Variants in CEP152 observed in about 807,000 individuals in gnomAD.
CEP152 encodes the protein centrosomal protein 152, also known as centrosomal protein of 152 kDa.
Under a neutral mutation model 188.9 loss-of-function variants are expected in CEP152, and 132 were observed. That is an observed-to-expected ratio of 0.70 (90% CI 0.61 to 0.81). The LOEUF is 0.81. Ranked by LOEUF, CEP152 falls within the 30% of genes least tolerant of loss-of-function variation. The probability of loss-of-function intolerance (pLI) is 0.00; values close to 1 mark genes in which losing one functional copy is unlikely to be tolerated. For synonymous variants in CEP152, 649 were observed against 666.6 expected (o/e 0.97, Z 0.41); for missense variants, 1,914 against 1,969.8 (o/e 0.97, Z 0.54).
downstream of CEP152, among the ~76,000 whole-genome samples, chr15:48,737,254 A>G (rs572935590): frequency 7.2e-5 from 11 of 152,302 alleles, no homozygotes; most frequent in East Asian, 1.2e-3. Context: ...TTAACCCCCA[A>G]ATACAATCCA....
chr15:48,805,918 A>T (rs903126758), intron 1 of CEP152, among the ~76,000 whole-genome samples: 5 of 152,258 alleles, frequency 3.3e-5, no homozygotes, highest in Non-Finnish European at 7.3e-5. Context: ...AGTATAAAAC[A>T]GTAAGATTTT....
At chr15:48,764,838 C>T (rs965700399) in intron 17 of CEP152, among the ~76,000 whole-genome samples, 1 of 152,048 alleles carries the variant, frequency 6.6e-6, no homozygotes, top group Non-Finnish European at 1.5e-5. Flanking sequence ...TTATTGTTAC[C>T]TGACTCATAT....
At chr15:48,805,469 A>G in intron 2 of CEP152, 94 bp downstream of exon 2, 1 of 1,488,752 alleles carries the variant, frequency 6.7e-7, no homozygotes, top group Non-Finnish European at 8.9e-7. Flanking sequence ...AATCCCTTCA[A>G]AATGACACAA....
At chr15:48,786,132 T>C (rs1033721712) in intron 9 of CEP152, among the ~76,000 whole-genome samples, 1 of 151,922 alleles carries the variant, frequency 6.6e-6, no homozygotes, top group African/African-American at 2.4e-5. Context: ...GAAACCAAAG[T>C]CCATGACTTC....
In CEP152 at chr15:48,783,775, G is replaced by GTATATA. The variant is rs10652796; in HGVS notation, c.1321+192_1321+197dup. On this transcript the variant is annotated intron_variant, in intron 10 of 26. Transcript: ENST00000380950. ...TATATTTTTTTATATATGTGTGTATGTATATATATATATATGTATATATAT... is the reference window on the plus strand; with the variant it reads ...TATATTTTTTTATATATGTGTGTATGTATATATATATATATATATATGTATATATAT... 0.015 allele frequency: 2,761 copies of GTATATA among 182,016 alleles called. 77 individuals are homozygous for GTATATA. Among genetic ancestry groups the GTATATA allele is most frequent in the African/African-American group, 0.063 (2,555 of 40,290 alleles). 11.3% of individuals were successfully genotyped at this position (182,016 alleles called of 1,614,324 possible). A position where few individuals can be genotyped will look rare whatever the true frequency, so the allele number is the denominator to read the frequency against.
At chr15:48,797,796 AC>A in intron 3 of CEP152, 66 bp from the exon 4 acceptor site, 1 of 1,579,818 alleles carries the variant, frequency 6.3e-7, no homozygotes, top group Non-Finnish European at 8.7e-7. Context: ...AACACAAAGA[AC>A]CCCAAGATTT....
intron 2 of CEP152, among the ~76,000 whole-genome samples, chr15:48,804,162 G>A (rs1172347075): frequency 2.6e-5 from 4 of 152,318 alleles, no homozygotes; most frequent in African/African-American, 7.2e-5. Flanking sequence ...GTTCCAGCCC[G>A]CCTGCTGCCA....
In CEP152 at chr15:48,810,978, G is replaced by T. The variant is rs185424999; in HGVS notation, c.-25C>A. The T allele has an allele frequency of 0.12, 18,754 of 152,538 alleles. 1,547 individuals carry two copies. Among genetic ancestry groups the T allele is most frequent in the Middle Eastern group, 0.18 (52 of 294 alleles). 9.4% of individuals were successfully genotyped at this position (152,538 alleles called of 1,614,324 possible). On this transcript the variant is annotated 5_prime_UTR_variant, in exon 1 of 27. Coordinates refer to ENST00000380950, the MANE Select transcript of CEP152 (RefSeq NM_001194998.2). ...GAACTTACCGGAGGCCACGGAGGCT[G>T]TTACCGCGAGGAAACTCTAGTCCTG... is the stretch of plus-strand genomic sequence containing the variant.
chr15:48,797,894 GAA>G, intron 3 of CEP152, 52 bp downstream of exon 3: 1 of 1,524,274 alleles, frequency 6.6e-7, no homozygotes, highest in Non-Finnish European at 9.0e-7. Context: ...TTCATCAAAA[GAA>G]AAAGACTTAT....
At chr15:48,805,510 T>C in intron 2 of CEP152, 53 bp downstream of exon 2, 1 of 1,571,170 alleles carries the variant, frequency 6.4e-7, no homozygotes. Flanking sequence ...GAAATAAAAC[T>C]TGTTAAAGAT....
chr15:48,764,893 T>G (rs1894946095), intron 17 of CEP152, among the ~76,000 whole-genome samples: 1 of 151,896 alleles, frequency 6.6e-6, no homozygotes, highest in Non-Finnish European at 1.5e-5. Flanking sequence ...TAAGCTGCAG[T>G]AAAATGGCTT....
chr15:48,800,764 A>T (rs1047985828), intron 2 of CEP152, among the ~76,000 whole-genome samples: 2 of 152,224 alleles, frequency 1.3e-5, no homozygotes. Context: ...TGTAAGAAAG[A>T]TAATTTGCCA....
intron 2 of CEP152, among the ~76,000 whole-genome samples, chr15:48,798,934 A>C (rs1897501402): frequency 6.6e-6 from 1 of 152,178 alleles, no homozygotes; most frequent in South Asian, 2.1e-4. Context: ...TATTACCCTA[A>C]AAATCCCAAT....
intron 26 of CEP152, among the ~76,000 whole-genome samples, chr15:48,739,494 C>G (rs183215860): frequency 1.4e-3 from 219 of 152,072 alleles, no homozygotes; most frequent in African/African-American, 5.0e-3. Context: ...TTACATATAT[C>G]CACTAGATAA....
chr15:48,752,502 G>A (rs1302893868), intron 20 of CEP152, 33 bp from the exon 21 acceptor site: 2 of 1,609,076 alleles, frequency 1.2e-6, no homozygotes, highest in South Asian at 2.2e-5. Flanking sequence ...TTAATGCTTA[G>A]TAAAAATCTT....
chr15:48,801,735 C>T (rs1345820288), intron 2 of CEP152, among the ~76,000 whole-genome samples: 1 of 152,140 alleles, frequency 6.6e-6, no homozygotes, highest in Non-Finnish European at 1.5e-5. Flanking sequence ...AAATGGCAAT[C>T]TTGTTTAAGC....
In CEP152 at chr15:48,752,411, G is replaced by A; in HGVS notation, c.3404C>T (p.Pro1135Leu). 2 of 1,613,946 alleles carry A rather than the reference G, an allele frequency of 1.2e-6. No individual in the cohort carries two copies. The highest frequency in any genetic ancestry group is 4.5e-5 in the East Asian group (2 of 44,880). ...SASQGTGQGD[P>L]GPAAGHHAQP... ...AGCATGGTGTCCAGCAGCAGGTCCA[G>A]GGTCTCCTTGGCCAGTGCCCTGGCT... Residue 1135 changes from proline to leucine, a missense_variant, in exon 21 of 27, where the codon CCT becomes CTT. Physicochemically the swap from Pro to Leu is moderately conservative, Grantham distance 98. Coordinates refer to ENST00000380950, the MANE Select transcript of CEP152 (RefSeq NM_001194998.2).
intron 9 of CEP152, among the ~76,000 whole-genome samples, chr15:48,788,386 T>C (rs536946270): frequency 7.1e-6 from 1 of 140,920 alleles, no homozygotes; most frequent in South Asian, 2.3e-4. Context: ...CAGGGTGGAG[T>C]GCAGTGGTGC....
Position 48,753,261 on chromosome 15 carries a change from C to T in CEP152, c.3346-792G>A, listed in dbSNP as rs1038782298. On this transcript the variant is annotated intron_variant, in intron 20 of 26. Coordinates refer to ENST00000380950, the MANE Select transcript of CEP152 (RefSeq NM_001194998.2). ...CAAGCGATTCTCCTGCCTCAACCCT[C>T]GTGATCCGCCTGCTTTGGCCTCCCA... Among the ~76,000 whole-genome samples the T allele has an allele frequency of 1.3e-5, 2 of 152,292 alleles. 1 individual carries two copies. Among genetic ancestry groups the T allele is most frequent in the South Asian group, 4.1e-4 (2 of 4,826 alleles).
Sources: gnomAD v4.1 joint callset for allele counts (sites outside exome capture counted in the v4.1 genomes callset) on GRCh38, gnomAD v4.1.1 for gene constraint, MANE v1.5 for transcripts, NCBI Gene and HGNC (gene_info 2026-07-23, HGNC 2026-07-21) for gene names.